Variants in BMP7 observed in about 807,000 individuals in gnomAD.
BMP7 encodes the protein osteogenic protein 1.
In BMP7, 12 loss-of-function variants were observed where a neutral mutation model predicts 41.2. The observed-to-expected ratio is 0.29, with a 90% confidence interval of 0.19 to 0.47. The LOEUF (loss-of-function observed/expected upper bound fraction) is 0.47, where lower values mean the gene tolerates loss of function less well. BMP7 is among the 20% of genes least tolerant of loss of function. The pLI, the probability that BMP7 is intolerant of heterozygous loss-of-function variation, is 0.99. For missense variants in BMP7, 467 were observed against 606.0 expected (o/e 0.77, Z 2.41); for synonymous variants, 248 against 250.0 (o/e 0.99, Z 0.07).
chr20:57,225,927 G>T (rs1422500070), intron 2 of BMP7: 1 of 471,240 alleles, frequency 2.1e-6, no homozygotes, highest in Admixed American at 2.3e-5. Flanking sequence ...CGTTCTGGTC[G>T]ATGCCCTCAG....
At chr20:57,210,224 C>A (rs574689978) in intron 2 of BMP7, among the ~76,000 whole-genome samples, 30 of 152,212 alleles carry the variant, frequency 2.0e-4, no homozygotes, top group Non-Finnish European at 3.4e-4. Context: ...TATTTAACCA[C>A]CAGCCTGGGG....
chr20:57,181,834 C>A (rs1049181667), intron 4 of BMP7, among the ~76,000 whole-genome samples: 2 of 152,226 alleles, frequency 1.3e-5, no homozygotes, highest in Non-Finnish European at 2.9e-5. Context: ...CCGATGGGAC[C>A]ACCCTGCTAC....
chr20:57,192,942 T>C (rs1363284022), intron 3 of BMP7, among the ~76,000 whole-genome samples: 1 of 152,166 alleles, frequency 6.6e-6, no homozygotes, highest in Non-Finnish European at 1.5e-5. Context: ...AAGGCTTTCC[T>C]GCGGTATAAT....
At chr20:57,208,075 C>T (rs886169857) in intron 2 of BMP7, among the ~76,000 whole-genome samples, 10 of 151,922 alleles carry the variant, frequency 6.6e-5, no homozygotes, top group African/African-American at 1.7e-4. Flanking sequence ...ATGATCCACC[C>T]GCCTCGGCCT....
chr20:57,188,375 T>C (rs143823590), intron 3 of BMP7, among the ~76,000 whole-genome samples: 20 of 152,328 alleles, frequency 1.3e-4, no homozygotes, highest in African/African-American at 4.3e-4. Flanking sequence ...ATGATCCTAT[T>C]TCTATGAAAT....
At chr20:57,225,548 CTG>C (rs1985289892) in intron 2 of BMP7, among the ~76,000 whole-genome samples, 1 of 151,786 alleles carries the variant, frequency 6.6e-6, no homozygotes, top group Admixed American at 6.5e-5. Flanking sequence ...GAGGGAAAAA[CTG>C]AGGCTCTGAG....
chr20:57,260,004 C>T (rs965191183), intron 1 of BMP7, among the ~76,000 whole-genome samples: 5 of 152,152 alleles, frequency 3.3e-5, no homozygotes, highest in Non-Finnish European at 2.9e-5. Flanking sequence ...TAATACCAAA[C>T]GGCTCACTAA....
chr20:57,180,903 T>TA (rs1270988130), intron 4 of BMP7, among the ~76,000 whole-genome samples: 1 of 152,024 alleles, frequency 6.6e-6, no homozygotes, highest in Non-Finnish European at 1.5e-5. Context: ...AAAATGAACA[T>TA]AAATTTCAAG....
chr20:57,221,688 A>G (rs1172727725), intron 2 of BMP7, among the ~76,000 whole-genome samples: 1 of 151,920 alleles, frequency 6.6e-6, no homozygotes, highest in Non-Finnish European at 1.5e-5. Context: ...GTGTGTTCCT[A>G]TGGTCCTAGC....
At chr20:57,195,398 AACTTAGTTAAC>A (rs1314192328) in intron 3 of BMP7, among the ~76,000 whole-genome samples, 1 of 152,160 alleles carries the variant, frequency 6.6e-6, no homozygotes, top group Admixed American at 6.5e-5. Context: ...GACAAGTGAG[AACTTAGTTAAC>A]ACTTGTGACA....
At chr20:57,238,923 G>C (rs2066058626) in intron 1 of BMP7, among the ~76,000 whole-genome samples, 1 of 152,068 alleles carries the variant, frequency 6.6e-6, no homozygotes, top group Admixed American at 6.6e-5. Context: ...CCTCCCCCGA[G>C]TCCCTCCCAC....
In BMP7 at chr20:57,171,244, C is replaced by T. The variant is rs2123054426; in HGVS notation, c.1147-136G>A. 3.1e-6 allele frequency: 4 copies of T among 1,277,550 alleles called. No homozygotes were observed. In the South Asian group the frequency reaches 5.1e-5, roughly 16 times the overall value. The allele number at this position is 1,277,550 out of a possible 1,614,324, so 79.1% of individuals were successfully genotyped here. On this transcript the variant is annotated intron_variant, in intron 6 of 6. Coordinates refer to ENST00000395863, the MANE Select transcript of BMP7 (RefSeq NM_001719.3). This position sits in a 1 kb window ranked among gnomAD's most constrained non-coding sequence, Gnocchi z 4.5. ...GTGACACTCCCCAAGCCAAGCACTCCCTGTTCTAAGCACTTTACATGGACA... is the reference window on the plus strand; with the variant it reads ...GTGACACTCCCCAAGCCAAGCACTCTCTGTTCTAAGCACTTTACATGGACA...
intron 2 of BMP7, among the ~76,000 whole-genome samples, chr20:57,209,147 C>T: frequency 6.6e-6 from 1 of 151,458 alleles, no homozygotes; most frequent in East Asian, 1.9e-4. Context: ...TGGAGAAACC[C>T]CATCTCTACT....
At chr20:57,188,483 G>A (rs995857633) in intron 3 of BMP7, among the ~76,000 whole-genome samples, 1 of 151,352 alleles carries the variant, frequency 6.6e-6, no homozygotes, top group African/African-American at 2.4e-5. Context: ...GGGATATTTC[G>A]GAGTGATACG....
intron 5 of BMP7, chr20:57,173,685 T>C (rs934581440): frequency 9.8e-5 from 33 of 335,922 alleles, no homozygotes; most frequent in African/African-American, 5.9e-4. Flanking sequence ...GGGGCTTGGC[T>C]GATCCTAAAA....
At chr20:57,209,270 TATA>T (rs1470095171) in intron 2 of BMP7, among the ~76,000 whole-genome samples, 2 of 139,254 alleles carry the variant, frequency 1.4e-5, no homozygotes, top group Non-Finnish European at 3.1e-5. Flanking sequence ...TATATATATA[TATA>T]TATATATATA....
At chr20:57,210,641 T>C (rs1984857429) in intron 2 of BMP7, among the ~76,000 whole-genome samples, 1 of 152,186 alleles carries the variant, frequency 6.6e-6, no homozygotes, top group African/African-American at 2.4e-5. Context: ...TGAGGATCTC[T>C]CTGGCCCTGA....
intron 1 of BMP7, among the ~76,000 whole-genome samples, chr20:57,238,077 C>T (rs529226802): frequency 3.5e-4 from 53 of 152,300 alleles, no homozygotes; most frequent in Non-Finnish European, 4.0e-4. Context: ...CATCTTGCAA[C>T]GCCAAAACTC....
chr20:57,183,832 G>C lies in BMP7; in HGVS notation c.848C>G (p.Ala283Gly). The C allele has an allele frequency of 6.2e-7, 1 of 1,614,202 alleles. No individual in the cohort carries two copies. The highest frequency in any genetic ancestry group is 2.2e-5 in the East Asian group (1 of 44,876). The change falls in exon 4 of 7, where the codon GCC becomes GGC. Residue 283 changes from alanine (A) to glycine (G), a missense_variant. Transcript: ENST00000395863. ...KQPFMVAFFKATEVHFRSIRS... is the reference protein window; with the variant it reads ...KQPFMVAFFKGTEVHFRSIRS... Reference sequence around the variant, plus strand: ...GATGCTGCGGAAGTGGACCTCCGTGGCCTTGAAGAAAGCCACCATGAAGGG... The same window carrying C: ...GATGCTGCGGAAGTGGACCTCCGTGCCCTTGAAGAAAGCCACCATGAAGGG...
Sources: gnomAD v4.1 joint callset for allele counts (sites outside exome capture counted in the v4.1 genomes callset) on GRCh38, gnomAD v4.1.1 for gene constraint, Gnocchi (gnomAD v3.1) non-coding constraint, MANE v1.5 for transcripts, NCBI Gene and HGNC (gene_info 2026-07-23, HGNC 2026-07-21) for gene names.